PLCG2: variants seen among roughly 807,000 people sequenced by gnomAD.
PLCG2 encodes phospholipase C gamma 2, also known as 1-phosphatidylinositol 4,5-bisphosphate phosphodiesterase gamma-2.
A neutral mutation model predicts 175.6 loss-of-function variants in PLCG2; 69 were observed. That is an observed-to-expected ratio of 0.39 (90% CI 0.32 to 0.48). The LOEUF (loss-of-function observed/expected upper bound fraction) is 0.48. Among genes scored for constraint, PLCG2 ranks in the 20% least tolerant of loss-of-function variants. The pLI is 0.91. For missense variants in PLCG2, 1,798 were observed against 1,650.9 expected (o/e 1.09, Z -1.54); for synonymous variants, 827 against 624.0 (o/e 1.33, Z -4.85).
intron 2 of PLCG2, among the ~76,000 whole-genome samples, chr16:81,829,345 G>A (rs527595271): frequency 6.6e-6 from 1 of 152,272 alleles, no homozygotes; most frequent in East Asian, 1.9e-4. Flanking sequence ...CTGACTTCAG[G>A]TGATCTGCCC....
At chr16:81,854,357 G>T (rs1281327849) in intron 2 of PLCG2, 87 bp from the exon 3 acceptor site, 1 of 1,231,626 alleles carries the variant, frequency 8.1e-7, no homozygotes, top group African/African-American at 1.5e-5. Flanking sequence ...GAAGGAGCCA[G>T]GCTGTGCCTG....
At chr16:81,922,554 C>G (rs1341795933) in intron 21 of PLCG2, among the ~76,000 whole-genome samples, 1 of 152,180 alleles carries the variant, frequency 6.6e-6, no homozygotes, top group African/African-American at 2.4e-5. Flanking sequence ...AAATTTAATT[C>G]CCATTTCACA....
intron 2 of PLCG2, chr16:81,767,112 C>T (rs1370537151): frequency 1.3e-5 from 2 of 151,602 alleles, no homozygotes; most frequent in South Asian, 2.1e-4. Flanking sequence ...CTCCTCTCCA[C>T]CCCATTCAAC....
chr16:81,753,307 A>G (rs929801398), intron 1 of PLCG2, among the ~76,000 whole-genome samples: 3 of 128,540 alleles, frequency 2.3e-5, no homozygotes, highest in Non-Finnish European at 4.8e-5. Context: ...TTGGTGGGTT[A>G]TGCCAAGTTC....
chr16:81,880,453 A>T (rs1908023164), intron 7 of PLCG2, among the ~76,000 whole-genome samples: 1 of 152,232 alleles, frequency 6.6e-6, no homozygotes, highest in Non-Finnish European at 1.5e-5. Context: ...GGGACACTTA[A>T]AAATAATACT....
At chr16:81,926,500 G>A (rs923110424) in intron 22 of PLCG2, among the ~76,000 whole-genome samples, 7 of 152,162 alleles carry the variant, frequency 4.6e-5, no homozygotes, top group African/African-American at 1.7e-4. Flanking sequence ...TAAAGATAGG[G>A]AACAATGTTT....
At chr16:81,905,728 G>A (rs893852626) in intron 15 of PLCG2, among the ~76,000 whole-genome samples, 1 of 151,832 alleles carries the variant, frequency 6.6e-6, no homozygotes, top group African/African-American at 2.4e-5. Context: ...GTGTGATTGC[G>A]GCTCACTGCA....
intron 2 of PLCG2, among the ~76,000 whole-genome samples, chr16:81,839,373 A>G (rs1386398906): frequency 1.3e-5 from 2 of 152,254 alleles, no homozygotes; most frequent in African/African-American, 4.8e-5. Flanking sequence ...AAATCTCTAT[A>G]TAGTCTTTGT....
intron 30 of PLCG2, among the ~76,000 whole-genome samples, chr16:81,940,458 G>GT (rs561766668): frequency 1.6e-5 from 2 of 124,226 alleles, no homozygotes; most frequent in African/African-American, 6.9e-5. Context: ...TTGGCATCTT[G>GT]GGGGGGGAGT....
chr16:81,777,316 G>A (rs1334708394), upstream of PLCG2, among the ~76,000 whole-genome samples: 1 of 151,230 alleles, frequency 6.6e-6, no homozygotes, highest in African/African-American at 2.4e-5. Context: ...TATCCATGTA[G>A]ACTTTGTAAT....
Position 81,870,840 on chromosome 16 carries a change from T to C in PLCG2, c.565-12T>C, listed in dbSNP as rs756054743. ...ATCAAAAATCATGTGGTCACTTTTT[T>C]CATATTTACAGGAAATAGGAGCACA... is the stretch of plus-strand genomic sequence containing the variant. On this transcript the variant is annotated splice_polypyrimidine_tract_variant and intron_variant, in intron 6 of 32. Transcript: ENST00000564138. 2.1e-5 allele frequency: 32 copies of C among 1,518,494 alleles called. No individual in the cohort carries two copies. Among genetic ancestry groups the C allele is most frequent in the Non-Finnish European group, 2.7e-5 (30 of 1,106,934 alleles). The allele number at this position is 1,518,494 out of a possible 1,614,324, so 94.1% of individuals were successfully genotyped here.
chr16:81,898,709 A>G (rs1939637886), intron 13 of PLCG2: 1 of 152,106 alleles, frequency 6.6e-6, no homozygotes, highest in Non-Finnish European at 1.5e-5. Flanking sequence ...TATTTCTTGG[A>G]TAACTGGGGA....
In PLCG2 at chr16:81,870,905, TA is replaced by T. The variant is rs1189737304; in HGVS notation, c.624del (p.Lys208AsnfsTer55). ...GCTTTGAACAGTTCCATCTCTTCTA[TA>T]AAAAACTTATGTTTGAACAGCAAAA... The part of the protein sequence containing the change: ...LSFEQFHLFY[K>X]KLMFEQQKSI... On this transcript the variant is annotated frameshift_variant, in exon 7 of 33. Transcript: ENST00000564138. LOFTEE classifies it high-confidence loss of function. The T allele has an allele frequency of 6.2e-7, 1 of 1,600,378 alleles. No individual in the cohort carries two copies.
chr16:81,838,861 G>A (rs1437584651), intron 2 of PLCG2, among the ~76,000 whole-genome samples: 1 of 150,760 alleles, frequency 6.6e-6, no homozygotes, highest in Non-Finnish European at 1.5e-5. Context: ...AAGGCTCAAG[G>A]CTTTAAGCAT....
At chr16:81,900,086 C>A (rs73596852) in intron 13 of PLCG2, among the ~76,000 whole-genome samples, 2 of 131,942 alleles carry the variant, frequency 1.5e-5, no homozygotes, top group African/African-American at 5.5e-5. Context: ...TATACACATA[C>A]AAATAATAAA....
chr16:81,935,887 C>G, intron 26 of PLCG2: 2 of 985,158 alleles, frequency 2.0e-6, no homozygotes, highest in Non-Finnish European at 2.4e-6. Flanking sequence ...TTTGTGTTTT[C>G]TTGTTCAAGG....
At chr16:81,847,340 T>TA (rs1276053683) in intron 2 of PLCG2, among the ~76,000 whole-genome samples, 1 of 152,184 alleles carries the variant, frequency 6.6e-6, no homozygotes, top group East Asian at 1.9e-4. Flanking sequence ...CCTGGGTTTT[T>TA]ATGAGAGCCT....
Position 81,956,731 on chromosome 16 carries a change from C to T in PLCG2, c.3607C>T (p.Leu1203=), listed in dbSNP as rs994776637. ...EEELYSSCRQ[L]RRRQEELNNQ... is the part of the protein sequence containing the mutation. ...GGAACTTTACTCCTCCTGTCGCCAG[C>T]TGAGGAGGCGGCAAGAAGAACTGAA... The change falls in exon 32 of 33, where the codon CTG becomes TTG. Residue 1203 remains leucine (L), a synonymous_variant. Coordinates refer to ENST00000564138, the MANE Select transcript of PLCG2 (RefSeq NM_002661.5). The T allele has an allele frequency of 1.2e-6, 2 of 1,614,028 alleles. No individual in the cohort carries two copies. Among genetic ancestry groups the T allele is most frequent in the Admixed American group, 3.3e-5 (2 of 60,010 alleles).
At chr16:81,838,754 A>G (rs1327194690) in intron 2 of PLCG2, among the ~76,000 whole-genome samples, 5 of 147,106 alleles carry the variant, frequency 3.4e-5, no homozygotes, top group Non-Finnish European at 7.4e-5. Context: ...CCGCACATGT[A>G]TCCCAGAACT....
Sources: gnomAD v4.1 joint callset for allele counts (sites outside exome capture counted in the v4.1 genomes callset) on GRCh38, gnomAD v4.1.1 for gene constraint, MANE v1.5 for transcripts, NCBI Gene and HGNC (gene_info 2026-07-23, HGNC 2026-07-21) for gene names.